The following PCDH15 variants were observed in gnomAD, a reference collection of about 807,000 sequenced individuals.
The protein encoded by PCDH15 is protocadherin-15.
Under a neutral mutation model 178.5 loss-of-function variants are expected in PCDH15, and 129 were observed. The observed-to-expected ratio is 0.72, with a 90% CI of 0.63 to 0.84. The LOEUF is 0.84. PCDH15 is among the 40% of genes least tolerant of loss of function. The pLI, the probability that PCDH15 is intolerant of heterozygous loss-of-function variation, is 0.00. For missense variants in PCDH15, 2,230 were observed against 2,099.9 expected (o/e 1.06, Z -1.21); for synonymous variants, 800 against 732.0 (o/e 1.09, Z -1.50).
intron 6 of PCDH15, among the ~76,000 whole-genome samples, chr10:54,344,137 A>G (rs1942795902): frequency 6.6e-6 from 1 of 152,204 alleles, no homozygotes; most frequent in Non-Finnish European, 1.5e-5. Flanking sequence ...TTCTCTCCCT[A>G]AGATTGTACC....
At chr10:54,415,461 TAGAA>T (rs1484010556) in intron 3 of PCDH15, among the ~76,000 whole-genome samples, 1 of 151,484 alleles carries the variant, frequency 6.6e-6, no homozygotes, top group Non-Finnish European at 1.5e-5. Flanking sequence ...GAAAAAAAGG[TAGAA>T]AGAAGAAAAT....
intron 8 of PCDH15, among the ~76,000 whole-genome samples, chr10:54,246,955 G>T (rs2056002262): frequency 6.6e-6 from 1 of 151,884 alleles, no homozygotes; most frequent in African/African-American, 2.4e-5. Flanking sequence ...GTAAAGTGCT[G>T]TTCCATATCT....
chr10:54,741,932 G>A (rs1444461938), intron 1 of PCDH15, among the ~76,000 whole-genome samples: 1 of 151,798 alleles, frequency 6.6e-6, no homozygotes, highest in Non-Finnish European at 1.5e-5. Context: ...ACTTACCATG[G>A]GCTATAACAT....
intron 2 of PCDH15, among the ~76,000 whole-genome samples, chr10:55,118,852 T>C (rs959065268): frequency 6.6e-6 from 1 of 152,198 alleles, no homozygotes; most frequent in African/African-American, 2.4e-5. Flanking sequence ...TATGTTTCCA[T>C]ACCAGCCTTC....
In PCDH15 at chr10:54,958,766, C is replaced by A. The variant is rs375217528; in HGVS notation, c.-79-61266G>T. 1.1e-4 allele frequency among the ~76,000 whole-genome samples: 17 copies of A among 148,602 alleles called. No individual in the cohort carries two copies. The East Asian group carries it at 2.0e-3, about 17-fold the overall frequency. On this transcript the variant is annotated intron_variant, in intron 2 of 5. Coordinates refer to the PCDH15 transcript ENST00000458638. Reference sequence around the variant, plus strand: ...GAAATGAAACAGAGAAAAGGATAGTCAAAAAAAAATACCCCACTCTCCAAA... The same window carrying A: ...GAAATGAAACAGAGAAAAGGATAGTAAAAAAAAAATACCCCACTCTCCAAA...
chr10:53,825,972 T>C (rs2076651676), intron 32 of PCDH15, among the ~76,000 whole-genome samples: 1 of 151,654 alleles, frequency 6.6e-6, no homozygotes, highest in Non-Finnish European at 1.5e-5. Context: ...AGTATACCTG[T>C]TCTTATTAAT....
intron 2 of PCDH15, among the ~76,000 whole-genome samples, chr10:54,924,472 G>T (rs181928222): frequency 7.3e-6 from 1 of 137,486 alleles, no homozygotes; most frequent in Non-Finnish European, 1.7e-5. Flanking sequence ...TAATGTGATT[G>T]CTGGGTTGAA....
chr10:54,189,863 A>G (rs2048806733), intron 11 of PCDH15, among the ~76,000 whole-genome samples: 1 of 151,666 alleles, frequency 6.6e-6, no homozygotes, highest in Admixed American at 6.6e-5. Flanking sequence ...GATGTGGTAC[A>G]AGTACTCTAA....
At chr10:54,111,979 AAAAAAAAAC>A (rs1347238282) in intron 15 of PCDH15, among the ~76,000 whole-genome samples, 1 of 128,618 alleles carries the variant, frequency 7.8e-6, no homozygotes, top group Non-Finnish European at 1.6e-5. Flanking sequence ...ATACAAAAAA[AAAAAAAAAC>A]AAAACTTAGC....
intron 2 of PCDH15, among the ~76,000 whole-genome samples, chr10:55,429,293 G>C (rs1838827738): frequency 6.6e-6 from 1 of 152,002 alleles, no homozygotes; most frequent in Non-Finnish European, 1.5e-5. Flanking sequence ...CATATTTATA[G>C]GTCTAAAACG....
chr10:54,702,894 CACA>C (rs1323483499), intron 1 of PCDH15, among the ~76,000 whole-genome samples: 1 of 151,900 alleles, frequency 6.6e-6, no homozygotes, highest in African/African-American at 2.4e-5. Flanking sequence ...CCTGGCAGAA[CACA>C]ACAACAATAA....
At chr10:54,229,620 T>C (rs1347969222) in intron 9 of PCDH15, among the ~76,000 whole-genome samples, 1 of 152,214 alleles carries the variant, frequency 6.6e-6, no homozygotes, top group Non-Finnish European at 1.5e-5. Flanking sequence ...TCACAAGATC[T>C]GATGGTATTA....
At chr10:54,679,370 C>T (rs989389180) in intron 1 of PCDH15, among the ~76,000 whole-genome samples, 2 of 152,078 alleles carry the variant, frequency 1.3e-5, no homozygotes, top group Non-Finnish European at 2.9e-5. Context: ...ATAAAAAACA[C>T]ACTAGCAAAA....
intron 27 of PCDH15, among the ~76,000 whole-genome samples, chr10:53,862,377 G>T (rs1223046183): frequency 2.0e-5 from 3 of 151,850 alleles, no homozygotes; most frequent in Admixed American, 6.6e-5. Flanking sequence ...TTTTTTACAC[G>T]TGCATAATTT....
At chr10:55,193,271 G>T (rs1337219077) in intron 1 of PCDH15, among the ~76,000 whole-genome samples, 1 of 151,792 alleles carries the variant, frequency 6.6e-6, no homozygotes, top group Non-Finnish European at 1.5e-5. Context: ...ATATAATCTA[G>T]AAAAGCAATT....
rs140198823 is a variant in PCDH15 at position 54,721,946 on chromosome 10, G to A, written c.-28-57656C>T. 9.9e-5 allele frequency among the ~76,000 whole-genome samples: 15 copies of A among 151,816 alleles called. No homozygotes were observed. The East Asian group carries it at 2.9e-3, about 30-fold the overall frequency. On this transcript the variant is annotated intron_variant, in intron 1 of 37. Coordinates refer to ENST00000644397, the MANE Select transcript of PCDH15 (RefSeq NM_001384140.1). ...AAAGCTACTGGCCAATATCCTTGAT[G>A]TGCCTAATGCAAAAATCTTCAACAA... is the stretch of plus-strand genomic sequence containing the variant.
chr10:55,615,958 C>A (rs1448525529), intron 2 of PCDH15, among the ~76,000 whole-genome samples: 1 of 152,078 alleles, frequency 6.6e-6, no homozygotes, highest in Non-Finnish European at 1.5e-5. Context: ...CTGAAAGTTG[C>A]ATTTGTAATA....
At chr10:54,965,323 A>G (rs1446147661) in intron 2 of PCDH15, among the ~76,000 whole-genome samples, 1 of 152,104 alleles carries the variant, frequency 6.6e-6, no homozygotes, top group African/African-American at 2.4e-5. Context: ...TAACTGAATC[A>G]TGGGGGTGGA....
chr10:55,395,730 T>C (rs1418986731), intron 2 of PCDH15, among the ~76,000 whole-genome samples: 1 of 152,202 alleles, frequency 6.6e-6, no homozygotes, highest in African/African-American at 2.4e-5. Context: ...TTATTTTACA[T>C]TGTTAAATAA....
Sources: gnomAD v4.1 joint callset for allele counts (sites outside exome capture counted in the v4.1 genomes callset) on GRCh38, gnomAD v4.1.1 for gene constraint, MANE v1.5 for transcripts, NCBI Gene and HGNC (gene_info 2026-07-23, HGNC 2026-07-21) for gene names.